GRM7: variants seen among roughly 807,000 people sequenced by gnomAD.
GRM7 encodes the protein glutamate metabotropic receptor 7.
A neutral mutation model predicts 84.5 loss-of-function variants in GRM7; 35 were observed. That is an observed-to-expected ratio of 0.41 (90% CI 0.32 to 0.55). GRM7 has a LOEUF of 0.55. GRM7 is among the 20% of genes least tolerant of loss of function. The pLI is 0.19. For synonymous variants in GRM7, 487 were observed against 455.1 expected, an observed-to-expected ratio of 1.07 and a Z score of -0.89; for missense variants, 1,003 against 1,194.6, an observed-to-expected ratio of 0.84 and a Z score of 2.36.
At chr3:7,099,224 C>A (rs922160729) in intron 1 of GRM7, among the ~76,000 whole-genome samples, 2 of 114,478 alleles carry the variant, frequency 1.7e-5, no homozygotes, top group African/African-American at 1.2e-4. Context: ...TATAATAATA[C>A]ATGTATTATA....
chr3:6,985,403 A>T (rs1694371823), intron 1 of GRM7, among the ~76,000 whole-genome samples: 1 of 151,894 alleles, frequency 6.6e-6, no homozygotes, highest in South Asian at 2.1e-4. Flanking sequence ...CTCTGTATTG[A>T]TGAGTTCATT....
chr3:7,670,934 A>ATAAC (rs1699894389), intron 8 of GRM7, among the ~76,000 whole-genome samples: 1 of 152,200 alleles, frequency 6.6e-6, no homozygotes, highest in South Asian at 2.1e-4. Flanking sequence ...TCTCTCCAGG[A>ATAAC]TAACTATAGG....
chr3:7,241,159 C>A (rs1409388923), intron 2 of GRM7, among the ~76,000 whole-genome samples: 1 of 152,096 alleles, frequency 6.6e-6, no homozygotes, highest in African/African-American at 2.4e-5. Context: ...TAAAGTTAAC[C>A]TCTCCTTGCT....
chr3:7,578,121 C>T (rs1426289684), intron 7 of GRM7, among the ~76,000 whole-genome samples: 1 of 152,068 alleles, frequency 6.6e-6, no homozygotes, highest in Non-Finnish European at 1.5e-5. Context: ...AATACAGCCC[C>T]TAAGGTTCTT....
chr3:7,048,614 T>G (rs952832079), intron 1 of GRM7, among the ~76,000 whole-genome samples: 1 of 151,980 alleles, frequency 6.6e-6, no homozygotes, highest in Non-Finnish European at 1.5e-5. Context: ...TTGACAAGAA[T>G]TATTTATATT....
intron 8 of GRM7, among the ~76,000 whole-genome samples, chr3:7,604,670 T>C (rs1417866958): frequency 6.6e-6 from 1 of 152,216 alleles, no homozygotes; most frequent in African/African-American, 2.4e-5. Flanking sequence ...AAATATGATA[T>C]ACCAGGCAAG....
chr3:7,145,639 G>A (rs1694083788), intron 1 of GRM7, among the ~76,000 whole-genome samples: 1 of 152,036 alleles, frequency 6.6e-6, no homozygotes, highest in African/African-American at 2.4e-5. Context: ...CAAGGGGCCT[G>A]TGGAGTCCTA....
chr3:7,133,597 C>A (rs1278386914), intron 1 of GRM7, among the ~76,000 whole-genome samples: 1 of 152,186 alleles, frequency 6.6e-6, no homozygotes, highest in Non-Finnish European at 1.5e-5. Flanking sequence ...CCTCAAAAGT[C>A]AACCTTTAGT....
chr3:6,995,422 T>G (rs1266436395), intron 1 of GRM7, among the ~76,000 whole-genome samples: 2 of 152,238 alleles, frequency 1.3e-5, no homozygotes, highest in African/African-American at 2.4e-5. Flanking sequence ...TGAGCCATAA[T>G]GTACTGACAC....
chr3:7,095,505 G>A (rs1166042002), intron 1 of GRM7, among the ~76,000 whole-genome samples: 1 of 152,076 alleles, frequency 6.6e-6, no homozygotes, highest in African/African-American at 2.4e-5. Flanking sequence ...TTGACATTGA[G>A]ATTACATATT....
chr3:6,904,509 C>T (rs144740197), intron 1 of GRM7, among the ~76,000 whole-genome samples: 25 of 152,188 alleles, frequency 1.6e-4, no homozygotes, highest in African/African-American at 5.3e-4. Context: ...TAAGTTGTAT[C>T]GTTAGGTTAG....
Position 7,219,624 on chromosome 3 carries a change from A to G in GRM7, c.736+72956A>G, listed in dbSNP as rs371042015. Among the ~76,000 whole-genome samples, 87 of 152,350 alleles carry G rather than the reference A, an allele frequency of 5.7e-4. 2 individuals carry two copies. The South Asian group carries it at 0.017, about 30-fold the overall frequency. On this transcript the variant is annotated intron_variant, in intron 2 of 9. Coordinates refer to ENST00000357716, the MANE Select transcript of GRM7 (RefSeq NM_000844.4). ...CTCAAGTTCAGTTTAATATATATGCAGGTAGTTACATATAGAAATATTTAT... is the reference window on the plus strand; with the variant it reads ...CTCAAGTTCAGTTTAATATATATGCGGGTAGTTACATATAGAAATATTTAT...
At position 7,428,471 on chromosome 3, in the gene GRM7, T is replaced by C. The variant is rs577237324; in HGVS notation, c.1174+13308T>C. On this transcript the variant is annotated intron_variant, in intron 5 of 9. Coordinates refer to ENST00000357716, the MANE Select transcript of GRM7 (RefSeq NM_000844.4). ...ATTAAAATGGTGAATGAGATCTCAT[T>C]CACTCTGTACTATTAATGAGTGCTT... is the stretch of plus-strand genomic sequence containing the variant. Among the ~76,000 whole-genome samples, 265 of 152,294 alleles carry C rather than the reference T, an allele frequency of 1.7e-3. 2 individuals carry two copies. Among genetic ancestry groups the C allele is most frequent in the African/African-American group, 6.0e-3 (250 of 41,566 alleles).
chr3:7,157,096 G>C (rs1206883542), intron 2 of GRM7, among the ~76,000 whole-genome samples: 1 of 152,146 alleles, frequency 6.6e-6, no homozygotes, highest in African/African-American at 2.4e-5. Context: ...ATGACAGACT[G>C]TGTCTTCAGG....
intron 2 of GRM7, among the ~76,000 whole-genome samples, chr3:7,210,577 T>C (rs1355473210): frequency 2.0e-5 from 3 of 152,170 alleles, no homozygotes; most frequent in Non-Finnish European, 2.9e-5. Flanking sequence ...ATGGAAATTT[T>C]TTTTTGTAAT....
chr3:7,131,724 G>T (rs145858643), intron 1 of GRM7, among the ~76,000 whole-genome samples: 16 of 152,012 alleles, frequency 1.1e-4, no homozygotes, highest in Non-Finnish European at 2.2e-4. Context: ...TGATCCACCC[G>T]TCTCGGCCTC....
chr3:7,252,444 C>T (rs1002833568), intron 2 of GRM7, among the ~76,000 whole-genome samples: 3 of 152,258 alleles, frequency 2.0e-5, no homozygotes, highest in East Asian at 1.9e-4. Flanking sequence ...TGGCAGTTCT[C>T]CCCCTTTTCT....
chr3:7,419,944 CCT>C (rs558295954), intron 5 of GRM7, among the ~76,000 whole-genome samples: 80 of 152,218 alleles, frequency 5.3e-4, no homozygotes, highest in African/African-American at 1.7e-3. Flanking sequence ...CTAATCAGCC[CCT>C]GTTTACTGTG....
chr3:7,470,172 G>C (rs919061017), intron 7 of GRM7, among the ~76,000 whole-genome samples: 10 of 151,962 alleles, frequency 6.6e-5, no homozygotes, highest in Non-Finnish European at 1.3e-4. Flanking sequence ...ACCTAATCTA[G>C]ACTTAGAGTA....
Sources: gnomAD v4.1 joint callset for allele counts (sites outside exome capture counted in the v4.1 genomes callset) on GRCh38, gnomAD v4.1.1 for gene constraint, MANE v1.5 for transcripts, NCBI Gene and HGNC (gene_info 2026-07-23, HGNC 2026-07-21) for gene names.